RALGPS1: variants seen among roughly 807,000 people sequenced by gnomAD.
The protein encoded by RALGPS1 is Ral GEF with PH domain and SH3 binding motif 1.
A neutral mutation model predicts 78.8 loss-of-function variants in RALGPS1; 19 were observed. The observed-to-expected ratio is 0.24, with a 90% CI of 0.17 to 0.35. The LOEUF (loss-of-function observed/expected upper bound fraction) is 0.35. Among genes scored for constraint, RALGPS1 ranks in the 10% least tolerant of loss-of-function variants. The pLI, the probability that RALGPS1 is intolerant of heterozygous loss-of-function variation, is 1.00. For missense variants in RALGPS1, 454 were observed against 688.3 expected, an observed-to-expected ratio of 0.66 and a Z score of 3.81; for synonymous variants, 228 against 256.3, an observed-to-expected ratio of 0.89 and a Z score of 1.06.
intron 8 of RALGPS1, among the ~76,000 whole-genome samples, chr9:127,136,313 G>C (rs2057388621): frequency 6.6e-6 from 1 of 152,248 alleles, no homozygotes; most frequent in Admixed American, 6.5e-5. Flanking sequence ...AGCCAGGGAG[G>C]GGGAGGCCTG....
intron 1 of RALGPS1, among the ~76,000 whole-genome samples, chr9:126,936,592 C>G (rs1167299954): frequency 6.6e-6 from 1 of 151,938 alleles, no homozygotes; most frequent in African/African-American, 2.4e-5. Context: ...CTGTGCAACT[C>G]TGGAGGCTGG....
In RALGPS1 at chr9:127,210,550, G is replaced by A. The variant is rs1318333169; in HGVS notation, c.1248-1581G>A. 4 of 636,478 alleles carry A rather than the reference G, an allele frequency of 6.3e-6. No individual in the cohort carries two copies. The African/African-American group carries it at 7.3e-5, about 12-fold the overall frequency. The allele number at this position is 636,478 out of a possible 1,614,324, so 39.4% of individuals were successfully genotyped here. A position where few individuals can be genotyped will look rare whatever the true frequency, so the allele number is the denominator to read the frequency against. On this transcript the variant is annotated intron_variant, in intron 14 of 18. Coordinates refer to ENST00000259351, the MANE Select transcript of RALGPS1 (RefSeq NM_014636.3). The stretch of plus-strand genomic sequence containing the variant: ...GGTGTGCTTGTAGTGTGGCCGAGGA[G>A]GCTGGGGAGGAGTTGGGGAGGGAGG...
At chr9:127,075,852 A>G (rs1020974253) in intron 8 of RALGPS1, among the ~76,000 whole-genome samples, 1 of 152,232 alleles carries the variant, frequency 6.6e-6, no homozygotes, top group African/African-American at 2.4e-5. Flanking sequence ...TCCTGTGACT[A>G]TTCACATATG....
chr9:127,024,276 AG>A (rs753357644), intron 4 of RALGPS1, among the ~76,000 whole-genome samples: 5 of 151,886 alleles, frequency 3.3e-5, no homozygotes, highest in Non-Finnish European at 7.4e-5. Flanking sequence ...AGTACAGGAA[AG>A]CTTATGAAGA....
chr9:127,025,468 A>T (rs1043129711), intron 4 of RALGPS1, among the ~76,000 whole-genome samples: 1 of 152,172 alleles, frequency 6.6e-6, no homozygotes, highest in Admixed American at 6.5e-5. Context: ...GTGTGTGCCT[A>T]ACTTGATGGG....
chr9:127,108,951 A>G (rs1485188586), intron 8 of RALGPS1, among the ~76,000 whole-genome samples: 2 of 152,194 alleles, frequency 1.3e-5, no homozygotes, highest in East Asian at 3.9e-4. Flanking sequence ...TTCTGGAAGC[A>G]AGAGGAGACA....
intron 6 of RALGPS1, 51 bp downstream of exon 6, chr9:127,050,183 C>G (rs778021916): frequency 7.2e-7 from 1 of 1,383,916 alleles, no homozygotes; most frequent in Non-Finnish European, 1.0e-6. Flanking sequence ...TCTCCCACAC[C>G]TCCTCCCCAA....
chr9:127,172,550 C>T (rs574183552), intron 10 of RALGPS1, among the ~76,000 whole-genome samples: 6 of 152,288 alleles, frequency 3.9e-5, no homozygotes, highest in South Asian at 4.1e-4. Flanking sequence ...TCCAGGAATC[C>T]GTCCGTGTTG....
intron 4 of RALGPS1, among the ~76,000 whole-genome samples, chr9:126,980,344 T>C (rs2041125696): frequency 6.6e-6 from 1 of 152,202 alleles, no homozygotes; most frequent in Non-Finnish European, 1.5e-5. Flanking sequence ...ACTTGTAGAC[T>C]AGTGCCTTTC....
At chr9:126,954,927 G>A (rs1329583164) in intron 1 of RALGPS1, among the ~76,000 whole-genome samples, 2 of 152,186 alleles carry the variant, frequency 1.3e-5, no homozygotes, top group Admixed American at 6.5e-5. Context: ...ACTGCTTCCA[G>A]GTGACTCAGC....
chr9:126,993,215 T>G (rs969356357), intron 4 of RALGPS1, among the ~76,000 whole-genome samples: 1 of 152,250 alleles, frequency 6.6e-6, no homozygotes, highest in African/African-American at 2.4e-5. Flanking sequence ...TGTATTGCTG[T>G]GGTAAACCCC....
Position 127,166,906 on chromosome 9 carries a change from A to G in RALGPS1, c.748+700A>G, listed in dbSNP as rs533083644. On this transcript the variant is annotated intron_variant, in intron 9 of 18. Coordinates refer to ENST00000259351, the MANE Select transcript of RALGPS1 (RefSeq NM_014636.3). ...GGCCATCCATGTGGGGATTGATTTC[A>G]CCCGAGAAGATGGCAGACTTGGGGT... is the stretch of plus-strand genomic sequence containing the variant. Among the ~76,000 whole-genome samples, 11 of 152,136 alleles carry G rather than the reference A, an allele frequency of 7.2e-5. No homozygotes were observed. In the East Asian group the frequency reaches 2.1e-3, roughly 29 times the overall value.
In RALGPS1 at chr9:127,141,908, GTATTCAATAAATTA is replaced by G. The variant is rs559346261; in HGVS notation, c.611-24159_611-24146del. ...ATATGAGTTTGTCATTTGGGGTTAT[GTATTCAATAAATTA>G]TTCAATAATAGTATGTTTTCAATAA... On this transcript the variant is annotated intron_variant, in intron 8 of 18. Transcript: ENST00000259351. Among the ~76,000 whole-genome samples, 1,278 of 152,232 alleles carry G rather than the reference GTATTCAATAAATTA, an allele frequency of 8.4e-3. 7 individuals carry two copies. Among genetic ancestry groups the G allele is most frequent in the Non-Finnish European group, 0.011 (757 of 68,008 alleles).
At chr9:126,934,320 G>A (rs541223543) in intron 1 of RALGPS1, among the ~76,000 whole-genome samples, 2 of 152,332 alleles carry the variant, frequency 1.3e-5, no homozygotes, top group South Asian at 4.1e-4. Context: ...GCTACTGTTT[G>A]GAAAGAGATG....
At chr9:127,001,927 A>G (rs1467504479) in intron 4 of RALGPS1, among the ~76,000 whole-genome samples, 1 of 152,218 alleles carries the variant, frequency 6.6e-6, no homozygotes, top group South Asian at 2.1e-4. Context: ...AGTAGTCTCT[A>G]TATTAATACA....
chr9:127,155,668 C>T (rs1220279889), intron 8 of RALGPS1, among the ~76,000 whole-genome samples: 1 of 152,088 alleles, frequency 6.6e-6, no homozygotes, highest in African/African-American at 2.4e-5. Flanking sequence ...AGAAAGATCA[C>T]AGGGTATAGA....
chr9:127,073,446 T>TTG (rs372544285), intron 8 of RALGPS1, among the ~76,000 whole-genome samples: 1,307 of 88,572 alleles, frequency 0.015, 10 homozygotes, highest in African/African-American at 0.03. Flanking sequence ...TAGTACACCA[T>TTG]TGTGTGTGTG....
chr9:126,933,716 G>A (rs2036007375), intron 1 of RALGPS1, among the ~76,000 whole-genome samples: 1 of 152,164 alleles, frequency 6.6e-6, no homozygotes, highest in Non-Finnish European at 1.5e-5. Context: ...TGTAGAGTAA[G>A]GTGTGGGGTA....
Position 127,212,444 on chromosome 9 carries a change from G to A in RALGPS1, c.1354-183G>A, listed in dbSNP as rs2062322890. Among the ~76,000 whole-genome samples the A allele has an allele frequency of 6.6e-6, 1 of 152,196 alleles. No homozygotes were observed. On this transcript the variant is annotated intron_variant, in intron 15 of 18. Coordinates refer to ENST00000259351, the MANE Select transcript of RALGPS1 (RefSeq NM_014636.3). The surrounding 1 kb of genome is among the most constrained non-coding windows in gnomAD (Gnocchi z 6.0). ...TCCTTGAGTAAAGGAGCAAGAGACGGGAGGGAAGACGCCTCCTGTCTTGGT... is the reference window on the plus strand; with the variant it reads ...TCCTTGAGTAAAGGAGCAAGAGACGAGAGGGAAGACGCCTCCTGTCTTGGT...
Sources: allele counts gnomAD v4.1 joint callset (sites outside exome capture counted in the v4.1 genomes callset), GRCh38; gene constraint gnomAD v4.1.1; non-coding constraint Gnocchi (gnomAD v3.1); transcripts MANE v1.5; gene names NCBI Gene and HGNC (gene_info 2026-07-23, HGNC 2026-07-21).